TNKS: variants seen among roughly 807,000 people sequenced by gnomAD.
TNKS encodes poly [ADP-ribose] polymerase tankyrase-1.
In TNKS, 72 loss-of-function variants were observed where a neutral mutation model predicts 135.8. The observed-to-expected ratio is 0.53, with a 90% CI of 0.44 to 0.64. The LOEUF is 0.64. Ranked by LOEUF, TNKS falls within the 30% of genes least tolerant of loss-of-function variation. The pLI is 0.00. For missense variants in TNKS, 1,769 were observed against 1,674.0 expected, an observed-to-expected ratio of 1.06 and a Z score of -0.99; for synonymous variants, 849 against 649.3, an observed-to-expected ratio of 1.31 and a Z score of -4.68.
chr8:9,720,217 C>T (rs1804805709), intron 11 of TNKS, among the ~76,000 whole-genome samples, 157 bp from the exon 12 acceptor site: 1 of 152,096 alleles, frequency 6.6e-6, no homozygotes. Context: ...GAAGATAGTT[C>T]TTCAGAATCA....
chr8:9,655,922 G>C (rs768582093), intron 3 of TNKS, among the ~76,000 whole-genome samples: 3 of 152,292 alleles, frequency 2.0e-5, no homozygotes, highest in Non-Finnish European at 4.4e-5. Context: ...AGAGAAGAAG[G>C]CTTCAGAAGA....
rs554527904 is a variant in TNKS at position 9,679,514 on chromosome 8, T to C, written c.995-437T>C. On this transcript the variant is annotated intron_variant, in intron 3 of 26. Transcript: ENST00000310430. The stretch of plus-strand genomic sequence containing the variant: ...CTTTCCATGTCATTACCAATAAAAC[T>C]TCAGTTTTTAGAAGACTAGTAATTT... Among the ~76,000 whole-genome samples, 8 of 152,248 alleles carry C rather than the reference T, an allele frequency of 5.3e-5. No individual in the cohort carries two copies. In the South Asian group the frequency reaches 1.5e-3, roughly 28 times the overall value.
chr8:9,693,175 G>C (rs1803357773), intron 5 of TNKS, among the ~76,000 whole-genome samples: 1 of 152,170 alleles, frequency 6.6e-6, no homozygotes, highest in African/African-American at 2.4e-5. Context: ...TGATAAGACA[G>C]AGCAAAAGTA....
chr8:9,709,911 A>G (rs1313194011), intron 9 of TNKS, 44 bp from the exon 10 acceptor site: 1 of 1,452,348 alleles, frequency 6.9e-7, no homozygotes, highest in Non-Finnish European at 9.7e-7. Context: ...GCTACTGTAC[A>G]TATGGAAGTG....
intron 3 of TNKS, among the ~76,000 whole-genome samples, chr8:9,672,948 T>C (rs1802367408): frequency 6.6e-6 from 1 of 152,202 alleles, no homozygotes; most frequent in Non-Finnish European, 1.5e-5. Context: ...ACAAAGGCTG[T>C]TTTCTTTTAA....
chr8:9,587,688 C>T (rs1210942238), intron 2 of TNKS, among the ~76,000 whole-genome samples: 1 of 152,124 alleles, frequency 6.6e-6, no homozygotes, highest in Non-Finnish European at 1.5e-5. Flanking sequence ...AGGCGTGAGC[C>T]ACTGCGCCTG....
intron 25 of TNKS, among the ~76,000 whole-genome samples, chr8:9,767,557 T>G (rs1204431226): frequency 1.3e-5 from 2 of 152,154 alleles, no homozygotes. Flanking sequence ...TTAAAACTTA[T>G]CTCTCAGTTG....
At chr8:9,704,543 T>G in intron 5 of TNKS, 120 bp from the exon 6 acceptor site, 6 of 749,592 alleles carry the variant, frequency 8.0e-6, no homozygotes, top group Non-Finnish European at 1.1e-5. Flanking sequence ...TGTGAATTTT[T>G]GACATTTCAG....
Position 9,664,479 on chromosome 8 carries a change from C to T in TNKS, c.995-15472C>T, listed in dbSNP as rs79966031. Among the ~76,000 whole-genome samples, 508 of 152,308 alleles carry T rather than the reference C, an allele frequency of 3.3e-3. 2 individuals are homozygous for T. Among genetic ancestry groups the T allele is most frequent in the African/African-American group, 0.011 (475 of 41,564 alleles). ...ACCTCCAACATTGGGCATCCAATTT[C>T]AACATACATTTGGAAGGCACAAACA... On this transcript the variant is annotated intron_variant, in intron 3 of 26. Transcript: ENST00000310430.
intron 3 of TNKS, chr8:9,658,468 C>T (rs938943352): frequency 8.0e-6 from 6 of 754,424 alleles, no homozygotes; most frequent in Non-Finnish European, 1.2e-5. Context: ...CCCAGAATTT[C>T]ATATCCAGCC....
At chr8:9,688,298 A>G (rs1472533222) in intron 5 of TNKS, among the ~76,000 whole-genome samples, 1 of 152,234 alleles carries the variant, frequency 6.6e-6, no homozygotes, top group Admixed American at 6.5e-5. Flanking sequence ...GTTTAGGTGC[A>G]AACAGAAGTC....
At position 9,726,589 on chromosome 8, in the gene TNKS, G is replaced by A. The variant is rs371069051; in HGVS notation, c.1922-52G>A. ...TTTTGTTTCCAAAATCAATGCAGTT[G>A]GAATATATGAGTTTGGATATATATA... On this transcript the variant is annotated intron_variant, in intron 12 of 26. Transcript: ENST00000310430. 52 of 1,305,160 alleles carry A rather than the reference G, an allele frequency of 4.0e-5. No homozygotes were observed. In the African/African-American group the frequency reaches 6.6e-4, roughly 17 times the overall value. The allele number at this position is 1,305,160 out of a possible 1,614,324, so 80.8% of individuals were successfully genotyped here.
rs184379114 is a variant in TNKS, at chr8:9,578,478, C to G, written c.674-1681C>G. Among the ~76,000 whole-genome samples the G allele has an allele frequency of 2.9e-3, 442 of 152,260 alleles. 2 individuals carry two copies. The highest frequency in any genetic ancestry group is 6.8e-3 in the Middle Eastern group (2 of 294). On this transcript the variant is annotated intron_variant, in intron 1 of 26. Transcript: ENST00000310430. Reference sequence around the variant, plus strand: ...TGATCTTTTCACCTAAAATTATCAGCTTAATTTTTAAGGATATTTTCTACG... The same window carrying G: ...TGATCTTTTCACCTAAAATTATCAGGTTAATTTTTAAGGATATTTTCTACG...
chr8:9,597,923 C>T (rs1798856302), intron 2 of TNKS, among the ~76,000 whole-genome samples: 1 of 152,090 alleles, frequency 6.6e-6, no homozygotes, highest in Admixed American at 6.6e-5. Flanking sequence ...GATAATGTGT[C>T]AAATCCCATG....
At chr8:9,699,807 C>G (rs1400653917) in intron 5 of TNKS, among the ~76,000 whole-genome samples, 2 of 152,180 alleles carry the variant, frequency 1.3e-5, no homozygotes, top group African/African-American at 4.8e-5. Flanking sequence ...CACTTAGTAA[C>G]TAAAGTGATC....
At chr8:9,768,649 G>C (rs1398854835) in intron 25 of TNKS, among the ~76,000 whole-genome samples, 2 of 152,216 alleles carry the variant, frequency 1.3e-5, no homozygotes, top group African/African-American at 4.8e-5. Flanking sequence ...GCGAGCCCTG[G>C]GGCAGGAAGC....
rs551936003 is a variant in TNKS at position 9,697,962 on chromosome 8, G to A, written c.1108-6701G>A. ...AGATACATGAAGTTGTATGTTCATT[G>A]CCATGCCATTCACAATAGCGAAGAC... On this transcript the variant is annotated intron_variant, in intron 5 of 26. Transcript: ENST00000310430. Among the ~76,000 whole-genome samples the A allele has an allele frequency of 8.5e-5, 13 of 152,234 alleles. No homozygotes were observed. In the South Asian group the frequency reaches 2.5e-3, roughly 29 times the overall value.
At chr8:9,582,278 T>G (rs1488835495) in intron 2 of TNKS, among the ~76,000 whole-genome samples, 1 of 152,120 alleles carries the variant, frequency 6.6e-6, no homozygotes, top group Non-Finnish European at 1.5e-5. Flanking sequence ...GAGTTCTGCT[T>G]TGGGATAGCT....
chr8:9,582,104 T>C (rs1798189431), intron 2 of TNKS, among the ~76,000 whole-genome samples: 1 of 152,222 alleles, frequency 6.6e-6, no homozygotes, highest in Non-Finnish European at 1.5e-5. Context: ...TCATAGTTAT[T>C]ATGGGAGTCA....
Sources: allele counts gnomAD v4.1 joint callset (sites outside exome capture counted in the v4.1 genomes callset), GRCh38; gene constraint gnomAD v4.1.1; transcripts MANE v1.5; gene names NCBI Gene and HGNC (gene_info 2026-07-23, HGNC 2026-07-21).